Variants in FA2H observed in about 807,000 individuals in gnomAD.
FA2H encodes the protein fatty acid alpha-hydroxylase.
Under a neutral mutation model 44.9 loss-of-function variants are expected in FA2H, and 22 were observed. The observed-to-expected ratio is 0.49, with a 90% CI of 0.35 to 0.70. The LOEUF (loss-of-function observed/expected upper bound fraction) is 0.70. Ranked by LOEUF, FA2H falls within the 30% of genes least tolerant of loss-of-function variation. FA2H has a pLI of 0.01. For missense variants in FA2H, 501 were observed against 504.9 expected (o/e 0.99, Z 0.07); for synonymous variants, 243 against 213.2 (o/e 1.14, Z -1.22).
chr16:74,761,452 CA>C (rs912177539), intron 1 of FA2H, among the ~76,000 whole-genome samples: 3,063 of 98,368 alleles, frequency 0.031, 117 homozygotes, highest in African/African-American at 0.12. Context: ...GACTCTGTCT[CA>C]AAAAAAAAGA....
chr16:74,727,432 C>T (rs1046551996), intron 2 of FA2H, 46 bp from the exon 3 acceptor site: 1 of 1,598,948 alleles, frequency 6.3e-7, no homozygotes, highest in Non-Finnish European at 8.6e-7. Context: ...CACGTCTTCC[C>T]ATATTCGTTC....
rs532457609 is a variant in FA2H, at chr16:74,726,669, G to A, written c.507-338C>T. On this transcript the variant is annotated intron_variant, in intron 3 of 6. Coordinates refer to ENST00000219368, the MANE Select transcript of FA2H (RefSeq NM_024306.5). ...CCCAAAGTGTTGGGATTACAGGCGT[G>A]AGCCACCATGCCCGGCAGGGTCCAG... Among the ~76,000 whole-genome samples the A allele has an allele frequency of 2.8e-4, 42 of 152,352 alleles. 1 individual carries two copies. In the South Asian group the frequency reaches 5.6e-3, roughly 20 times the overall value.
chr16:74,752,676 C>T (rs888554689), intron 1 of FA2H, among the ~76,000 whole-genome samples: 1 of 152,134 alleles, frequency 6.6e-6, no homozygotes, highest in Non-Finnish European at 1.5e-5. Context: ...GGGTGCCTGG[C>T]ACAGAGGAAA....
intron 2 of FA2H, among the ~76,000 whole-genome samples, chr16:74,729,073 C>T (rs1343032476): frequency 0.012 from 1,082 of 93,734 alleles, no homozygotes; most frequent in Middle Eastern, 0.074. Context: ...TGCAGTGGCA[C>T]GATCTCAGCT....
intron 1 of FA2H, among the ~76,000 whole-genome samples, chr16:74,756,828 A>ATT (rs1962620512): frequency 6.6e-6 from 1 of 152,082 alleles, no homozygotes; most frequent in African/African-American, 2.4e-5. Context: ...AATAATACCT[A>ATT]TTTTTTTCCT....
intron 2 of FA2H, among the ~76,000 whole-genome samples, chr16:74,738,145 A>C (rs548753717): frequency 6.6e-5 from 10 of 152,196 alleles, no homozygotes; most frequent in African/African-American, 2.4e-4. Context: ...ACATCCTCCC[A>C]GGGCCCAGCC....
chr16:74,743,779 G>A (rs964431002), intron 1 of FA2H, among the ~76,000 whole-genome samples: 3 of 152,112 alleles, frequency 2.0e-5, no homozygotes, highest in Admixed American at 6.6e-5. Flanking sequence ...TGCTTTCCTG[G>A]GTGGCTTCAT....
chr16:74,763,257 A>AT (rs905478781), intron 1 of FA2H, among the ~76,000 whole-genome samples: 27 of 151,470 alleles, frequency 1.8e-4, no homozygotes, highest in East Asian at 3.9e-4. Flanking sequence ...AACGTTTGGA[A>AT]TTTTTTTTTG....
chr16:74,730,449 G>C (rs534873343), intron 2 of FA2H, among the ~76,000 whole-genome samples: 1 of 152,270 alleles, frequency 6.6e-6, no homozygotes, highest in South Asian at 2.1e-4. Flanking sequence ...CCTTACCCCA[G>C]TCTCCTTGAC....
intron 1 of FA2H, among the ~76,000 whole-genome samples, chr16:74,753,118 C>G (rs1962557599): frequency 6.6e-6 from 1 of 152,220 alleles, no homozygotes; most frequent in Admixed American, 6.5e-5. Flanking sequence ...TTCCACAGCT[C>G]TCATATTATC....
At chr16:74,773,532 T>C (rs958224954) in intron 1 of FA2H, among the ~76,000 whole-genome samples, 1 of 152,178 alleles carries the variant, frequency 6.6e-6, no homozygotes, top group African/African-American at 2.4e-5. Flanking sequence ...GAGAGTCGCT[T>C]TGCCTCTGGC....
At chr16:74,767,183 C>T (rs1459573895) in intron 1 of FA2H, among the ~76,000 whole-genome samples, 1 of 152,076 alleles carries the variant, frequency 6.6e-6, no homozygotes. Flanking sequence ...GTGGTGTGTG[C>T]CTGTAATCCC....
intron 4 of FA2H, among the ~76,000 whole-genome samples, chr16:74,720,180 C>CTT (rs56341013): frequency 0.03 from 1,439 of 47,240 alleles, 307 homozygotes; most frequent in African/African-American, 0.042. Context: ...CATCCTCATC[C>CTT]TTTTTTTTTT....
rs1238015497 is a variant in FA2H, at chr16:74,713,591, C to T, written c.*599G>A. On this transcript the variant is annotated 3_prime_UTR_variant, in exon 7 of 7. Transcript: ENST00000219368. ...AAGCAGCTGGGACTCCTGCCAGCCA[C>T]CCTGGGCCCAACGACGCAGGCAGCT... 1 of 152,622 alleles carries T rather than the reference C, an allele frequency of 6.6e-6. No individual in the cohort carries two copies. Among genetic ancestry groups the T allele is most frequent in the African/African-American group, 2.4e-5 (1 of 41,470 alleles). 9.5% of individuals were successfully genotyped at this position (152,622 alleles called of 1,614,324 possible).
At chr16:74,754,188 G>C (rs1466919356) in intron 1 of FA2H, among the ~76,000 whole-genome samples, 1 of 152,220 alleles carries the variant, frequency 6.6e-6, no homozygotes, top group Non-Finnish European at 1.5e-5. Context: ...TTGAGGTCGG[G>C]AGTTCAAGAC....
chr16:74,774,428 G>A, intron 1 of FA2H, 58 bp downstream of exon 1: 1 of 1,447,024 alleles, frequency 6.9e-7, no homozygotes, highest in East Asian at 2.7e-5. Flanking sequence ...GGGCTCGCCC[G>A]GGAGTGGAAG....
intron 1 of FA2H, among the ~76,000 whole-genome samples, chr16:74,747,632 G>A (rs949700398): frequency 6.6e-6 from 1 of 152,074 alleles, no homozygotes; most frequent in Non-Finnish European, 1.5e-5. Context: ...TGTGAAGATG[G>A]AAGGAGAGAT....
chr16:74,716,733 G>T, intron 5 of FA2H, 134 bp from the exon 6 acceptor site: 1 of 1,064,892 alleles, frequency 9.4e-7, no homozygotes, highest in Non-Finnish European at 1.3e-6. Context: ...CACCTTTGGT[G>T]GCTTTGGGGA....
rs147772062 is a variant in FA2H, at chr16:74,773,635, T to C, written c.270+851A>G. 2.2e-3 allele frequency among the ~76,000 whole-genome samples: 337 copies of C among 152,308 alleles called. 2 individuals are homozygous for C. The highest frequency in any genetic ancestry group is 7.5e-3 in the African/African-American group (312 of 41,574). ...AGCATTGATTTTGGAGTCAGATACA[T>C]GTGGCTTTCCCACTATTTAGCTATT... On this transcript the variant is annotated intron_variant, in intron 1 of 6. Coordinates refer to ENST00000219368, the MANE Select transcript of FA2H (RefSeq NM_024306.5).
Sources: gnomAD v4.1 joint callset for allele counts (sites outside exome capture counted in the v4.1 genomes callset) on GRCh38, gnomAD v4.1.1 for gene constraint, MANE v1.5 for transcripts, NCBI Gene and HGNC (gene_info 2026-07-23, HGNC 2026-07-21) for gene names.